POLR3B: variants seen among roughly 807,000 people sequenced by gnomAD.
POLR3B encodes DNA-directed RNA polymerase III subunit RPC2.
A neutral mutation model predicts 147.4 loss-of-function variants in POLR3B; 96 were observed. The ratio of observed to expected loss-of-function variants is 0.65; its 90% CI spans 0.55 to 0.77. The LOEUF (loss-of-function observed/expected upper bound fraction) is 0.77. Among genes scored for constraint, POLR3B ranks in the 30% least tolerant of loss-of-function variants. POLR3B has a pLI of 0.00. For synonymous variants in POLR3B, 461 were observed against 485.9 expected (o/e 0.95, Z 0.67); for missense variants, 1,036 against 1,413.5 (o/e 0.73, Z 4.28).
At chr12:106,467,941 T>C (rs2038029564) in intron 23 of POLR3B, among the ~76,000 whole-genome samples, 1 of 152,222 alleles carries the variant, frequency 6.6e-6, no homozygotes, top group Non-Finnish European at 1.5e-5. Flanking sequence ...CTGCCAGATT[T>C]GGTATCAGGA....
At chr12:106,419,968 G>C (rs2037353032) in intron 12 of POLR3B, among the ~76,000 whole-genome samples, 1 of 151,920 alleles carries the variant, frequency 6.6e-6, no homozygotes, top group Non-Finnish European at 1.5e-5. Flanking sequence ...TGATTCTTTT[G>C]TTTCACATGG....
chr12:106,407,828 T>C (rs1294290393), intron 11 of POLR3B, among the ~76,000 whole-genome samples: 1 of 149,642 alleles, frequency 6.7e-6, no homozygotes, highest in African/African-American at 2.5e-5. Context: ...AAACTCCGAC[T>C]CAAAAAAAAA....
chr12:106,457,033 T>C, intron 20 of POLR3B, 105 bp from the exon 21 acceptor site: 10 of 931,462 alleles, frequency 1.1e-5, no homozygotes, highest in East Asian at 7.3e-5. Flanking sequence ...GTTTTGGGAT[T>C]TGGGGGAGGG....
chr12:106,496,675 A>G, intron 24 of POLR3B, 77 bp from the exon 25 acceptor site: 1 of 1,248,074 alleles, frequency 8.0e-7, no homozygotes, highest in South Asian at 1.2e-5. Flanking sequence ...TCGTGGGGAA[A>G]TGAGCTGGAG....
At chr12:106,456,044 AGCG>A (rs1403671143) in intron 20 of POLR3B, among the ~76,000 whole-genome samples, 1 of 152,228 alleles carries the variant, frequency 6.6e-6, no homozygotes, top group Admixed American at 6.5e-5. Context: ...ATCAGTAATA[AGCG>A]GCATTTAATC....
rs143149563 is a variant in POLR3B, at chr12:106,375,465, G to A, written c.405-894G>A. ...AAGTCTGATTAGGTGTTGATTAGTC[G>A]CTCTCTCTCTATCCTTCCCTGACTC... On this transcript the variant is annotated intron_variant, in intron 6 of 27. Coordinates refer to ENST00000228347, the MANE Select transcript of POLR3B (RefSeq NM_018082.6). Among the ~76,000 whole-genome samples, 47 of 152,062 alleles carry A rather than the reference G, an allele frequency of 3.1e-4. 1 individual carries two copies. The East Asian group carries it at 8.7e-3, about 28-fold the overall frequency.
intron 1 of POLR3B, 80 bp downstream of exon 1, chr12:106,358,031 A>T: frequency 3.2e-6 from 5 of 1,576,286 alleles, no homozygotes; most frequent in Non-Finnish European, 4.3e-6. Flanking sequence ...CGGGCCGCCA[A>T]GGGGGCGGGC....
chr12:106,450,183 G>A (rs191512421), intron 19 of POLR3B, among the ~76,000 whole-genome samples: 30 of 152,056 alleles, frequency 2.0e-4, no homozygotes, highest in Non-Finnish European at 2.9e-4. Flanking sequence ...ATACTTATAT[G>A]GAAAAAAGGA....
At chr12:106,488,507 G>A (rs1335639969) in intron 23 of POLR3B, among the ~76,000 whole-genome samples, 2 of 152,166 alleles carry the variant, frequency 1.3e-5, no homozygotes, top group Non-Finnish European at 2.9e-5. Context: ...TTTCCCAAGT[G>A]GTCTAGACTT....
chr12:106,468,730 A>G (rs2038044018), intron 23 of POLR3B, among the ~76,000 whole-genome samples: 1 of 152,140 alleles, frequency 6.6e-6, no homozygotes, highest in Admixed American at 6.5e-5. Context: ...CAGGTGGTTC[A>G]GTTTCCATGA....
chr12:106,426,562 A>C (rs1010846009), intron 12 of POLR3B, among the ~76,000 whole-genome samples: 2 of 151,366 alleles, frequency 1.3e-5, no homozygotes, highest in Non-Finnish European at 2.9e-5. Context: ...TGATCAACCC[A>C]CCTTGGCCTC....
At chr12:106,389,260 G>A (rs1191622116) in intron 9 of POLR3B, among the ~76,000 whole-genome samples, 3 of 152,212 alleles carry the variant, frequency 2.0e-5, no homozygotes, top group African/African-American at 7.2e-5. Context: ...ACTTGACTGA[G>A]TTATCGCCCC....
intron 1 of POLR3B, 109 bp from the exon 2 acceptor site, chr12:106,363,759 TTC>T: frequency 1.1e-6 from 1 of 899,760 alleles, no homozygotes; most frequent in Admixed American, 2.0e-5. Flanking sequence ...TTAAAAATTA[TTC>T]TTTTTGTTTT....
intron 16 of POLR3B, among the ~76,000 whole-genome samples, chr12:106,435,731 G>A (rs906413202): frequency 1.3e-5 from 2 of 152,078 alleles, no homozygotes; most frequent in African/African-American, 4.8e-5. Context: ...CACATTAGGT[G>A]CTTATTTATA....
In POLR3B at chr12:106,466,735, C is replaced by G. The variant is rs1194341722; in HGVS notation, c.2713+3115C>G. 4.6e-5 allele frequency among the ~76,000 whole-genome samples: 7 copies of G among 152,286 alleles called. No homozygotes were observed. The East Asian group carries it at 1.4e-3, about 29-fold the overall frequency. ...TTTTTTCCCCATTGCTTGTGTGTGTCAGGTTTATCAAAGATCAGATGGTGG... is the reference window on the plus strand; with the variant it reads ...TTTTTTCCCCATTGCTTGTGTGTGTGAGGTTTATCAAAGATCAGATGGTGG... On this transcript the variant is annotated intron_variant, in intron 23 of 27. Coordinates refer to ENST00000228347, the MANE Select transcript of POLR3B (RefSeq NM_018082.6).
chr12:106,472,407 T>G (rs1163847643), intron 23 of POLR3B, among the ~76,000 whole-genome samples: 1 of 149,720 alleles, frequency 6.7e-6, no homozygotes, highest in Non-Finnish European at 1.5e-5. Context: ...CAAATGGTAT[T>G]TCTAGTTCTA....
At chr12:106,431,869 C>T (rs1468832129) in intron 14 of POLR3B, among the ~76,000 whole-genome samples, 2 of 152,184 alleles carry the variant, frequency 1.3e-5, no homozygotes, top group Admixed American at 1.3e-4. Flanking sequence ...AACTTAAGGG[C>T]ACTGGCCAGT....
At chr12:106,399,356 G>A (rs2037028596) in intron 10 of POLR3B, among the ~76,000 whole-genome samples, 1 of 152,200 alleles carries the variant, frequency 6.6e-6, no homozygotes, top group African/African-American at 2.4e-5. Flanking sequence ...TCTGATTGGT[G>A]TACCTGAAAG....
At position 106,496,237 on chromosome 12, in the gene POLR3B, G is replaced by A. The variant is rs1235419718; in HGVS notation, c.2817+79G>A. 5 of 901,952 alleles carry A rather than the reference G, an allele frequency of 5.5e-6. No homozygotes were observed. The Admixed American group carries it at 6.8e-5, about 12-fold the overall frequency. 55.9% of individuals were successfully genotyped at this position (901,952 alleles called of 1,614,324 possible). ...GTTAGTTTAGTTAGAGTGAGTGGAG[G>A]TGACGAGGACTCTGAAGCTGTTTTT... On this transcript the variant is annotated intron_variant, in intron 24 of 27. Coordinates refer to ENST00000228347, the MANE Select transcript of POLR3B (RefSeq NM_018082.6).
Sources: gnomAD v4.1 joint callset for allele counts (sites outside exome capture counted in the v4.1 genomes callset) on GRCh38, gnomAD v4.1.1 for gene constraint, MANE v1.5 for transcripts, NCBI Gene and HGNC (gene_info 2026-07-23, HGNC 2026-07-21) for gene names.